The following PPM1G variants were observed in gnomAD, a reference collection of about 807,000 sequenced individuals.
The protein encoded by PPM1G is protein phosphatase 1G.
In PPM1G, 12 loss-of-function variants were observed where a neutral mutation model predicts 59.4. The observed-to-expected ratio is 0.20, with a 90% CI of 0.13 to 0.33. The LOEUF (loss-of-function observed/expected upper bound fraction) is 0.33, where lower values mean the gene tolerates loss of function less well. Among genes scored for constraint, PPM1G ranks in the 10% least tolerant of loss-of-function variants. PPM1G has a pLI of 1.00. For synonymous variants in PPM1G, 245 were observed against 251.9 expected (o/e 0.97, Z 0.26); for missense variants, 392 against 681.3 (o/e 0.58, Z 4.73).
intron 1 of PPM1G, chr2:27,393,318 G>A: frequency 6.3e-7 from 1 of 1,598,124 alleles, no homozygotes. Flanking sequence ...GGCGGCCTCT[G>A]AGTCTTGGTG....
chr2:27,396,657 A>T (rs1247908647), intron 1 of PPM1G, among the ~76,000 whole-genome samples: 1 of 151,940 alleles, frequency 6.6e-6, no homozygotes, highest in East Asian at 1.9e-4. Flanking sequence ...TCTACTAAAA[A>T]TACAAAAATT....
At chr2:27,403,031 T>C (rs1275397900) in intron 1 of PPM1G, among the ~76,000 whole-genome samples, 2 of 151,862 alleles carry the variant, frequency 1.3e-5, no homozygotes, top group East Asian at 3.9e-4. Flanking sequence ...CGAGCCACTG[T>C]AAAGGCAGAT....
intron 1 of PPM1G, among the ~76,000 whole-genome samples, chr2:27,408,290 G>A (rs1663429182): frequency 6.6e-6 from 1 of 152,158 alleles, no homozygotes; most frequent in Non-Finnish European, 1.5e-5. Flanking sequence ...CACCCGGTAG[G>A]TGGAGAAACC....
intron 1 of PPM1G, among the ~76,000 whole-genome samples, chr2:27,408,217 G>C (rs1309969812): frequency 6.6e-6 from 1 of 152,184 alleles, no homozygotes; most frequent in East Asian, 1.9e-4. Flanking sequence ...GCTAACCACA[G>C]GGAGGAGCGA....
intron 1 of PPM1G, among the ~76,000 whole-genome samples, chr2:27,399,181 CA>C (rs1289326512): frequency 7.3e-6 from 1 of 136,580 alleles, no homozygotes; most frequent in African/African-American, 2.9e-5. Flanking sequence ...AAAAACAAAA[CA>C]AAAAAAGAAA....
chr2:27,387,862 G>A (rs1294179833), intron 1 of PPM1G, among the ~76,000 whole-genome samples: 2 of 151,966 alleles, frequency 1.3e-5, no homozygotes, highest in Non-Finnish European at 2.9e-5. Context: ...GCAGTGGTGC[G>A]ATCTCTGCTC....
chr2:27,393,200 A>T (rs1683959587), intron 1 of PPM1G: 2 of 1,539,876 alleles, frequency 1.3e-6, no homozygotes. Flanking sequence ...ATTGGTGAAG[A>T]AAGTATTTGG....
rs1038094269 is a variant in PPM1G, at chr2:27,382,053, C to T, written c.1434+73G>A. ...ACTGATAATGCTCCCAGATTGCCGACTTAGCTCAGATTAAAAGAGTGAACC... is the reference window on the plus strand; with the variant it reads ...ACTGATAATGCTCCCAGATTGCCGATTTAGCTCAGATTAAAAGAGTGAACC... On this transcript the variant is annotated intron_variant, in intron 9 of 9. Transcript: ENST00000344034. This position sits in a 1 kb window ranked among gnomAD's most constrained non-coding sequence, Gnocchi z 4.2. The T allele has an allele frequency of 6.8e-6, 10 of 1,464,558 alleles. 1 individual carries two copies. The highest frequency in any genetic ancestry group is 5.6e-5 in the African/African-American group (4 of 71,698). The allele number at this position is 1,464,558 out of a possible 1,614,324, so 90.7% of individuals were successfully genotyped here. A position where few individuals can be genotyped will look rare whatever the true frequency, so the allele number is the denominator to read the frequency against.
intron 2 of PPM1G, 124 bp from the exon 3 acceptor site, chr2:27,386,403 T>C (rs999863659): frequency 4.5e-5 from 29 of 647,982 alleles, no homozygotes; most frequent in Non-Finnish European, 7.6e-5. Context: ...TTAGCACCCC[T>C]GAACCCTATT....
chr2:27,402,069 T>A (rs1309915609), intron 1 of PPM1G, among the ~76,000 whole-genome samples: 1 of 152,060 alleles, frequency 6.6e-6, no homozygotes, highest in Non-Finnish European at 1.5e-5. Flanking sequence ...TGTATACACA[T>A]TTTCAAATAC....
rs1178001690 is a variant in PPM1G, at chr2:27,382,078, C to T, written c.1434+48G>A. ...CTTAGCTCAGATTAAAAGAGTGAAC[C>T]CTGGCTGTGCAGACCAGACACCCTC... On this transcript the variant is annotated intron_variant, in intron 9 of 9. Transcript: ENST00000344034. This position sits in a 1 kb window ranked among gnomAD's most constrained non-coding sequence, Gnocchi z 4.2. The T allele has an allele frequency of 6.4e-7, 1 of 1,554,260 alleles. No individual in the cohort carries two copies. The highest frequency in any genetic ancestry group is 8.9e-7 in the Non-Finnish European group (1 of 1,126,564).
chr2:27,406,950 GATTT>G (rs1045934729), intron 1 of PPM1G, among the ~76,000 whole-genome samples: 47 of 150,486 alleles, frequency 3.1e-4, no homozygotes, highest in African/African-American at 9.3e-4. Flanking sequence ...ACTATACCCA[GATTT>G]ATTTATTTAT....
chr2:27,384,721 G>C lies in PPM1G; in HGVS notation c.777C>G (p.Asp259Glu). The change falls in exon 5 of 10, where the codon GAC (aspartate) becomes GAG (glutamate). Residue 259 changes from aspartate (D) to glutamate (E), a missense_variant. Physicochemically the swap from Asp to Glu is conservative, Grantham distance 45. Transcript: ENST00000344034. The surrounding 1 kb of genome is among the most constrained non-coding windows in gnomAD (Gnocchi z 4.8). ...CCGCCTCATCTGACTCATCCTCACT[G>C]TCCTCAAAGAACTTGGACTTAGCAA... ...PRVAKSKFFE[D>E]SEDESDEAEE... 6.2e-7 allele frequency: 1 copy of C among 1,614,072 alleles called. No homozygotes were observed.
At chr2:27,407,264 C>A (rs1449437233) in intron 1 of PPM1G, among the ~76,000 whole-genome samples, 2 of 151,876 alleles carry the variant, frequency 1.3e-5, no homozygotes, top group Non-Finnish European at 2.9e-5. Flanking sequence ...CCATGCCTGG[C>A]CTATTCATTT....
In PPM1G at chr2:27,381,731, A is replaced by G; in HGVS notation, c.1509T>C (p.Ile503=). 2 of 1,613,836 alleles carry G rather than the reference A, an allele frequency of 1.2e-6. No individual in the cohort carries two copies. The highest frequency in any genetic ancestry group is 1.7e-5 in the Admixed American group (1 of 59,982). The change falls in exon 10 of 10, where the codon ATT becomes ATC. Residue 503 remains isoleucine, a synonymous_variant. Coordinates refer to ENST00000344034, the MANE Select transcript of PPM1G (RefSeq NM_177983.3). ...TGCDNMTCII[I]CFKPRNTAEL... is the part of the protein sequence containing the mutation. ...CTGCTGTGTTTCGGGGCTTGAAGCA[A>G]ATGATGATGCAGGTCATGTTGTCAC...
chr2:27,383,421 G>A lies in PPM1G; in HGVS notation c.1146C>T (p.Gly382=). 1 of 1,614,144 alleles carries A rather than the reference G, an allele frequency of 6.2e-7. No individual in the cohort carries two copies. The highest frequency in any genetic ancestry group is 1.1e-5 in the South Asian group (1 of 91,080). The change falls in exon 7 of 10, where the codon GGC becomes GGT. Residue 382 remains glycine, a synonymous_variant. Coordinates refer to ENST00000344034, the MANE Select transcript of PPM1G (RefSeq NM_177983.3). This position sits in a 1 kb window ranked among gnomAD's most constrained non-coding sequence, Gnocchi z 5.0. ...TGACTCGCCCATCCATGGTGACCTT[G>A]CCACCAGCATTCTTGATGCGTGCTA... ...VELARIKNAG[G]KVTMDGRVNG...
At chr2:27,396,581 G>A (rs532915586) in intron 1 of PPM1G, among the ~76,000 whole-genome samples, 2 of 152,026 alleles carry the variant, frequency 1.3e-5, no homozygotes, top group African/African-American at 2.4e-5. Context: ...TTGGGAGGCC[G>A]AGGCGGGCGG....
In PPM1G at chr2:27,382,155, G is replaced by A; in HGVS notation, c.1405C>T (p.Leu469Phe). ...KISQRDENGELRLLSSIVEEL... is the reference protein window; with the variant it reads ...KISQRDENGEFRLLSSIVEEL... ...TCCACAATGGATGACAATAACCGAAGCTCCCCATTTTCATCACGCTGGCTG... is the reference window on the plus strand; with the variant it reads ...TCCACAATGGATGACAATAACCGAAACTCCCCATTTTCATCACGCTGGCTG... The change falls in exon 9 of 10, where the codon CTT (leucine) becomes TTT (phenylalanine). Residue 469 changes from leucine (L) to phenylalanine (F), a missense_variant. Coordinates refer to ENST00000344034, the MANE Select transcript of PPM1G (RefSeq NM_177983.3). This position sits in a 1 kb window ranked among gnomAD's most constrained non-coding sequence, Gnocchi z 4.2. 6.2e-7 allele frequency: 1 copy of A among 1,614,168 alleles called. No individual in the cohort carries two copies. The highest frequency in any genetic ancestry group is 8.5e-7 in the Non-Finnish European group (1 of 1,180,014).
At chr2:27,393,133 C>T (rs1646808893) in intron 1 of PPM1G, 24 of 1,360,854 alleles carry the variant, frequency 1.8e-5, no homozygotes, top group South Asian at 2.3e-5. Context: ...AAGATTCGGC[C>T]ACCTCGTTGG....
Sources: allele counts gnomAD v4.1 joint callset (sites outside exome capture counted in the v4.1 genomes callset), GRCh38; gene constraint gnomAD v4.1.1; non-coding constraint Gnocchi (gnomAD v3.1); transcripts MANE v1.5; gene names NCBI Gene and HGNC (gene_info 2026-07-23, HGNC 2026-07-21).